The following UNC80 variants were observed in gnomAD, a reference collection of about 807,000 sequenced individuals.
The protein encoded by UNC80 is unc-80 subunit of NALCN channel complex.
In UNC80, 164 loss-of-function variants were observed where a neutral mutation model predicts 384.6. The observed-to-expected ratio is 0.43, with a 90% CI of 0.38 to 0.49. UNC80 has a LOEUF of 0.49. UNC80 is among the 20% of genes least tolerant of loss of function. The probability of loss-of-function intolerance (pLI) is 0.00; values close to 1 mark genes in which losing one functional copy is unlikely to be tolerated. For synonymous variants in UNC80, 1,486 were observed against 1,527.8 expected, an observed-to-expected ratio of 0.97 and a Z score of 0.64; for missense variants, 3,330 against 4,143.0, an observed-to-expected ratio of 0.80 and a Z score of 5.39.
chr2:209,887,985 G>C, intron 25 of UNC80, 110 bp from the exon 26 acceptor site: 1 of 925,540 alleles, frequency 1.1e-6, no homozygotes, highest in South Asian at 2.1e-5. Context: ...AAAGGAATCT[G>C]GCTGTTTAAA....
intron 9 of UNC80, among the ~76,000 whole-genome samples, chr2:209,816,317 C>T (rs1432057960): frequency 6.6e-6 from 1 of 152,164 alleles, no homozygotes; most frequent in Non-Finnish European, 1.5e-5. Flanking sequence ...CTTTTAGTTG[C>T]ACTTGGTTTT....
chr2:209,965,205 G>A (rs2092708471), intron 51 of UNC80, among the ~76,000 whole-genome samples: 1 of 152,054 alleles, frequency 6.6e-6, no homozygotes, highest in Admixed American at 6.6e-5. Context: ...GGGAGGCTGA[G>A]GCAGGCAGAT....
rs2091068526 is a variant in UNC80 at position 209,933,962 on chromosome 2, G to A, written c.6135G>A (p.Lys2045=). The change falls in exon 39 of 65, where the codon AAG becomes AAA. Residue 2045 remains lysine (K), a synonymous_variant. Coordinates refer to ENST00000673920, the MANE Select transcript of UNC80 (RefSeq NM_001371986.1). ...FFKDLKQTMK[K]EQCEVKLLVT... is the part of the protein sequence containing the mutation. Reference sequence around the variant, plus strand: ...AGGATCTCAAGCAGACGATGAAGAAGGAGCAGTGTGAGGTGAAGCTCCTGG... The same window carrying A: ...AGGATCTCAAGCAGACGATGAAGAAAGAGCAGTGTGAGGTGAAGCTCCTGG... 1.3e-6 allele frequency: 2 copies of A among 1,550,552 alleles called. No individual in the cohort carries two copies. Among genetic ancestry groups the A allele is most frequent in the East Asian group, 2.4e-5 (1 of 40,906 alleles).
chr2:209,798,844 ATTTTTTT>A (rs1167727452), intron 7 of UNC80, among the ~76,000 whole-genome samples: 1 of 126,642 alleles, frequency 7.9e-6, no homozygotes, highest in African/African-American at 3.0e-5. Flanking sequence ...AGCCTGGCTA[ATTTTTTT>A]TTTTTTTTTT....
chr2:209,820,241 T>C (rs2080039836), intron 12 of UNC80, 70 bp from the exon 13 acceptor site: 3 of 1,451,090 alleles, frequency 2.1e-6, no homozygotes, highest in South Asian at 1.5e-5. Context: ...TTAAACAGAA[T>C]AATCAGATCT....
At chr2:209,893,083 C>T (rs867848165) in intron 26 of UNC80, among the ~76,000 whole-genome samples, 2 of 152,148 alleles carry the variant, frequency 1.3e-5, no homozygotes, top group Admixed American at 6.5e-5. Context: ...CTAATGTTTT[C>T]GTTATACAAG....
intron 48 of UNC80, among the ~76,000 whole-genome samples, chr2:209,956,147 A>G (rs74332925): frequency 0.041 from 6,258 of 152,250 alleles, 434 homozygotes; most frequent in African/African-American, 0.14. Context: ...TCGAAGTGTC[A>G]CAAAGAGTTA....
rs1443386298 is a variant in UNC80, at chr2:209,952,959, A to G, written c.7287-1141A>G. Among the ~76,000 whole-genome samples, 4 of 152,162 alleles carry G rather than the reference A, an allele frequency of 2.6e-5. 1 individual carries two copies. Among genetic ancestry groups the G allele is most frequent in the Admixed American group, 2.6e-4 (4 of 15,288 alleles). ...TATAGGCAAAATTATATTACCAAAA[A>G]CCAGTATTCAGTATTATAAAGAGCA... On this transcript the variant is annotated intron_variant, in intron 47 of 64. Transcript: ENST00000673920.
chr2:209,917,621 G>A (rs2089660369), intron 31 of UNC80, among the ~76,000 whole-genome samples, 156 bp from the exon 32 acceptor site: 1 of 152,186 alleles, frequency 6.6e-6, no homozygotes, highest in East Asian at 1.9e-4. Context: ...GTTGTGGGTG[G>A]TACAAAGAAG....
At chr2:209,905,467 G>A (rs2088073643) in intron 29 of UNC80, among the ~76,000 whole-genome samples, 1 of 152,042 alleles carries the variant, frequency 6.6e-6, no homozygotes, top group Non-Finnish European at 1.5e-5. Context: ...TATGATGCGG[G>A]GCCATGAGCC....
rs2093173415 is a variant in UNC80, at chr2:209,982,182, A to C, written c.9122A>C (p.Asp3041Ala). The C allele has an allele frequency of 6.5e-7, 1 of 1,550,310 alleles. No individual in the cohort carries two copies. Among genetic ancestry groups the C allele is most frequent in the Admixed American group, 2.0e-5 (1 of 50,850 alleles). The change falls in exon 60 of 65, where the codon GAC (aspartate) becomes GCC (alanine). Residue 3041 changes from aspartate (D) to alanine (A), a missense_variant. Asp to Ala is a moderately radical substitution (Grantham distance 126). Transcript: ENST00000673920. Reference protein sequence around the residue: ...SRTDEEDEENDSISMPSVVSE... With the variant: ...SRTDEEDEENASISMPSVVSE... ...TCTATTCCTTTGCCCCTTTTAGATGACTCTATAAGCATGCCCAGCGTGGTA... is the reference window on the plus strand; with the variant it reads ...TCTATTCCTTTGCCCCTTTTAGATGCCTCTATAAGCATGCCCAGCGTGGTA...
intron 53 of UNC80, 31 bp downstream of exon 53, chr2:209,969,922 T>G: frequency 6.4e-7 from 1 of 1,550,568 alleles, no homozygotes; most frequent in East Asian, 2.4e-5. Context: ...CTTATGAAAC[T>G]TTGCACAATG....
chr2:209,777,239 G>C lies in UNC80; in HGVS notation c.299-19G>C. 1 of 1,555,706 alleles carries C rather than the reference G, an allele frequency of 6.4e-7. No homozygotes were observed. Among genetic ancestry groups the C allele is most frequent in the Non-Finnish European group, 8.7e-7 (1 of 1,154,518 alleles). ...TCACAGAGTTTTTCTTAACCTGCCT[G>C]TGTAATTGTCCCATGCAGGCCACCA... is the stretch of plus-strand genomic sequence containing the variant. On this transcript the variant is annotated intron_variant, in intron 3 of 64. Transcript: ENST00000673920.
intron 29 of UNC80, among the ~76,000 whole-genome samples, chr2:209,905,465 G>A (rs533575138): frequency 2.6e-4 from 40 of 152,242 alleles, no homozygotes; most frequent in African/African-American, 1.7e-4. Flanking sequence ...AGTATGATGC[G>A]GGGCCATGAG....
intron 22 of UNC80, among the ~76,000 whole-genome samples, chr2:209,854,175 G>A (rs974816870): frequency 6.6e-6 from 1 of 151,924 alleles, no homozygotes; most frequent in Non-Finnish European, 1.5e-5. Flanking sequence ...CAAGGAGATA[G>A]GAATGCATGA....
Position 209,804,758 on chromosome 2 carries a change from T to TTTTTG in UNC80, c.939-8807_939-8803dup, listed in dbSNP as rs1298291785. ...TCAACATTTAATTTAGAGAGTTTTTTTTTTGTTTTGTTTTGTTTTTTTTTT... is the reference window on the plus strand; with the variant it reads ...TCAACATTTAATTTAGAGAGTTTTTTTTTTGTTTTGTTTTGTTTTGTTTTTTTTTT... On this transcript the variant is annotated intron_variant, in intron 7 of 64. Transcript: ENST00000673920. Among the ~76,000 whole-genome samples the TTTTTG allele has an allele frequency of 9.5e-3, 447 of 47,234 alleles. 1 individual carries two copies. The highest frequency in any genetic ancestry group is 0.058 in the African/African-American group (434 of 7,526). 31.0% of individuals were successfully genotyped at this position (47,234 alleles called of 152,430 possible). A position where few individuals can be genotyped will look rare whatever the true frequency, so the allele number is the denominator to read the frequency against.
chr2:209,959,654 T>G lies in UNC80; in HGVS notation c.7752T>G (p.Ala2584=), dbSNP rs2092528049. ...GGCTGAAGATCTTGCAAAATCTGGC[T>G]GGGGAGCCTCGGGTCATTGCCTTGG... The part of the protein sequence containing the change: ...GPRLKILQNL[A]GEPRVIALEL... Residue 2584 remains alanine, a synonymous_variant, in exon 51 of 65, where the codon GCT becomes GCG. Coordinates refer to ENST00000673920, the MANE Select transcript of UNC80 (RefSeq NM_001371986.1). 6.4e-7 allele frequency: 1 copy of G among 1,551,682 alleles called. No homozygotes were observed.
At chr2:209,935,450 C>A (rs905762304) in intron 39 of UNC80, among the ~76,000 whole-genome samples, 3 of 151,974 alleles carry the variant, frequency 2.0e-5, no homozygotes, top group African/African-American at 7.3e-5. Flanking sequence ...GGCGAAACCT[C>A]GTCTCTACTA....
In UNC80 at chr2:209,995,584, T is replaced by C; in HGVS notation, c.9964T>C (p.Ser3322Pro). The C allele has an allele frequency of 6.4e-7, 1 of 1,551,994 alleles. No individual in the cohort carries two copies. Among genetic ancestry groups the C allele is most frequent in the Non-Finnish European group, 8.7e-7 (1 of 1,147,052 alleles). Residue 3322 changes from serine (S) to proline (P), a missense_variant, in exon 65 of 65, where the codon TCT becomes CCT. Transcript: ENST00000673920. ...LGKTDAVLDE[S>P]HV is the part of the protein sequence containing the mutation. The stretch of plus-strand genomic sequence containing the variant: ...GAAAACGGATGCAGTATTAGATGAG[T>C]CTCATGTTTAATTCTGTATCTTGTA...
Sources: gnomAD v4.1 joint callset for allele counts (sites outside exome capture counted in the v4.1 genomes callset) on GRCh38, gnomAD v4.1.1 for gene constraint, MANE v1.5 for transcripts, NCBI Gene and HGNC (gene_info 2026-07-23, HGNC 2026-07-21) for gene names.